Variants in DOCK7 observed in about 807,000 individuals in gnomAD.
DOCK7 encodes the protein dedicator of cytokinesis 7.
Under a neutral mutation model 271.0 loss-of-function variants are expected in DOCK7, and 138 were observed. The observed-to-expected ratio is 0.51, with a 90% CI of 0.44 to 0.59. The LOEUF is 0.59. Ranked by LOEUF, DOCK7 falls within the 20% of genes least tolerant of loss-of-function variation. The pLI is 0.00. For synonymous variants in DOCK7, 823 were observed against 876.1 expected, an observed-to-expected ratio of 0.94 and a Z score of 1.07; for missense variants, 2,066 against 2,592.4, an observed-to-expected ratio of 0.80 and a Z score of 4.41.
intron 20 of DOCK7, among the ~76,000 whole-genome samples, chr1:62,557,673 T>C (rs764592997): frequency 6.7e-6 from 1 of 149,738 alleles, no homozygotes; most frequent in Non-Finnish European, 1.5e-5. Context: ...CAAATATAAA[T>C]AAAGCACATA....
At chr1:62,685,639 T>C (rs1280143024) in intron 1 of DOCK7, among the ~76,000 whole-genome samples, 6 of 151,454 alleles carry the variant, frequency 4.0e-5, no homozygotes, top group Non-Finnish European at 8.8e-5. Context: ...AAAAACCAAA[T>C]AGATATTTCT....
At chr1:62,552,710 C>T (rs759254627) in intron 22 of DOCK7, 22 bp downstream of exon 22, 3 of 1,561,450 alleles carry the variant, frequency 1.9e-6, no homozygotes, top group Non-Finnish European at 2.6e-6. Flanking sequence ...ACCAAATTTA[C>T]AGATGCATGT....
chr1:62,677,237 T>C (rs1660634710), intron 1 of DOCK7, among the ~76,000 whole-genome samples: 2 of 152,160 alleles, frequency 1.3e-5, no homozygotes, highest in African/African-American at 2.4e-5. Flanking sequence ...TCCCAAGCCA[T>C]AGAGAAGGGC....
intron 29 of DOCK7, among the ~76,000 whole-genome samples, chr1:62,531,798 T>C (rs1645182032): frequency 6.6e-6 from 1 of 152,030 alleles, no homozygotes. Context: ...GAGATATGAG[T>C]TTCTTACAGT....
chr1:62,590,035 C>T (rs1198275463), intron 14 of DOCK7, among the ~76,000 whole-genome samples: 1 of 151,836 alleles, frequency 6.6e-6, no homozygotes, highest in Non-Finnish European at 1.5e-5. Flanking sequence ...GACAGAAAAC[C>T]ACCAGAGTAC....
chr1:62,603,351 TGAA>T (rs1387702503), intron 14 of DOCK7, among the ~76,000 whole-genome samples: 1 of 151,800 alleles, frequency 6.6e-6, no homozygotes, highest in Non-Finnish European at 1.5e-5. Flanking sequence ...AGGATTGTGA[TGAA>T]GAACAATCTA....
intron 25 of DOCK7, among the ~76,000 whole-genome samples, chr1:62,542,070 C>CTCTTG (rs1645553356): frequency 6.6e-6 from 1 of 151,952 alleles, no homozygotes; most frequent in African/African-American, 2.4e-5. Context: ...TAGATATGGG[C>CTCTTG]TCTTGCTATG....
chr1:62,555,905 T>C lies in DOCK7; in HGVS notation c.2516A>G (p.His839Arg), dbSNP rs778470902. 19 of 1,613,862 alleles carry C rather than the reference T, an allele frequency of 1.2e-5. No homozygotes were observed. The highest frequency in any genetic ancestry group is 1.6e-5 in the Non-Finnish European group (19 of 1,179,934). ...TGATGCAAGAAGGCTGTTTCTGCCA[T>C]GCTGGTCATGATTTCCTTCCAAGTT... Reference protein sequence around the residue: ...HKNLEGNHDQHGRNSLLASYI... With the variant: ...HKNLEGNHDQRGRNSLLASYI... The change falls in exon 21 of 50, where the codon CAT becomes CGT. Residue 839 changes from histidine (H) to arginine (R), a missense_variant. By Grantham distance (29) the His-to-Arg change is conservative. Around this residue, in one of 2 missense-constraint regions of DOCK7, gnomAD observed 1,414 missense variants for 1,670.4 expected, o/e 0.85. Coordinates refer to ENST00000635253, the MANE Select transcript of DOCK7 (RefSeq NM_001367561.1).
rs1464811045 is a variant in DOCK7 at position 62,604,937 on chromosome 1, A to G, written c.1682+13769T>C. On this transcript the variant is annotated intron_variant, in intron 14 of 49. Transcript: ENST00000635253. ...TTGAGAAATAGATTTTTTTTATCTT[A>G]AAGTCACTGTCTATTTAAGATTAAA... The G allele has an allele frequency of 3.0e-6, 3 of 1,006,512 alleles. No homozygotes were observed. In the African/African-American group the frequency reaches 4.8e-5, roughly 16 times the overall value. 62.3% of individuals were successfully genotyped at this position (1,006,512 alleles called of 1,614,324 possible). A position where few individuals can be genotyped will look rare whatever the true frequency, so the allele number is the denominator to read the frequency against.
intron 14 of DOCK7, chr1:62,598,628 G>C: frequency 1.2e-6 from 1 of 830,300 alleles, no homozygotes; most frequent in Non-Finnish European, 2.1e-6. Flanking sequence ...GATTATGATA[G>C]TGTTACAGGA....
chr1:62,654,015 T>C lies in DOCK7; in HGVS notation c.289A>G (p.Arg97Gly). Residue 97 changes from arginine (R) to glycine (G), a missense_variant, in exon 3 of 50, where the codon AGA (arginine) becomes GGA (glycine). By Grantham distance (125) the Arg-to-Gly change is moderately radical. Coordinates refer to ENST00000635253, the MANE Select transcript of DOCK7 (RefSeq NM_001367561.1). ...TCAGGTACAGCTGAAACAAGAGTTCTGCAGTCCCGAGGACTATAAACAACT... is the reference window on the plus strand; with the variant it reads ...TCAGGTACAGCTGAAACAAGAGTTCCGCAGTCCCGAGGACTATAAACAACT... ...IEVVYSPRDC[R>G]TLVSAVPEES... 6.2e-7 allele frequency: 1 copy of C among 1,613,866 alleles called. No homozygotes were observed. The highest frequency in any genetic ancestry group is 8.5e-7 in the Non-Finnish European group (1 of 1,179,876).
chr1:62,578,514 G>C (rs967638447), intron 17 of DOCK7, among the ~76,000 whole-genome samples: 1 of 152,036 alleles, frequency 6.6e-6, no homozygotes, highest in Non-Finnish European at 1.5e-5. Context: ...GAAGCCAAGA[G>C]TTTGAGACCA....
chr1:62,536,041 C>T (rs755427483), intron 28 of DOCK7, among the ~76,000 whole-genome samples: 4 of 151,802 alleles, frequency 2.6e-5, no homozygotes, highest in African/African-American at 4.8e-5. Flanking sequence ...CAGAGAAATT[C>T]GAAACACCAG....
At chr1:62,635,459 C>T (rs1317272350) in intron 8 of DOCK7, 1 of 151,930 alleles carries the variant, frequency 6.6e-6, no homozygotes, top group East Asian at 1.9e-4. Flanking sequence ...ATCGCTTGAA[C>T]CTGGGAGGTA....
Position 62,539,785 on chromosome 1 carries a change from C to T in DOCK7, c.3153G>A (p.Thr1051=), listed in dbSNP as rs747653225. ...ATCGTGAAACTATATCACTAGCAAT[C>T]GTGCTGACAAGAGCTGCAATGTCAT... ...FMDDIAALVS[T]IASDIVSRFQ... Residue 1051 remains threonine (T), a synonymous_variant, in exon 26 of 50, where the codon ACG becomes ACA. Transcript: ENST00000635253. 9 of 1,613,294 alleles carry T rather than the reference C, an allele frequency of 5.6e-6. No homozygotes were observed. The highest frequency in any genetic ancestry group is 3.3e-5 in the Admixed American group (2 of 59,902).
chr1:62,580,750 C>A (rs1358095644), intron 16 of DOCK7, among the ~76,000 whole-genome samples: 3 of 152,058 alleles, frequency 2.0e-5, no homozygotes, highest in African/African-American at 7.2e-5. Context: ...AATAGCTATG[C>A]TATAAAACAG....
In DOCK7 at chr1:62,648,294, A is replaced by C; in HGVS notation, c.544T>G (p.Ser182Ala). ...DQDDLKRRSM[S>A]IDDTPRGSWA... The stretch of plus-strand genomic sequence containing the variant: ...CTACCCCTTGGGGTATCATCTATTG[A>C]CATTGAACGTCTTTTAAGGTCATCC... Residue 182 changes from serine (S) to alanine (A), a missense_variant, in exon 6 of 50, where the codon TCA becomes GCA. Around this residue, in one of 2 missense-constraint regions of DOCK7, gnomAD observed 1,414 missense variants for 1,670.4 expected, o/e 0.85. Transcript: ENST00000635253. 6.2e-7 allele frequency: 1 copy of C among 1,611,688 alleles called. No individual in the cohort carries two copies. The highest frequency in any genetic ancestry group is 1.1e-5 in the South Asian group (1 of 90,568).
chr1:62,584,433 T>C (rs1647265801), intron 15 of DOCK7: 36 of 995,564 alleles, frequency 3.6e-5, no homozygotes, highest in Admixed American at 5.9e-5. Context: ...AAACACAGTA[T>C]GTCTATGTTT....
At chr1:62,620,322 A>T (rs1168434110) in intron 12 of DOCK7, among the ~76,000 whole-genome samples, 1 of 141,782 alleles carries the variant, frequency 7.1e-6, no homozygotes, top group Non-Finnish European at 1.6e-5. Context: ...CTCAAAAATA[A>T]AAATAAATAA....
Sources: allele counts gnomAD v4.1 joint callset (sites outside exome capture counted in the v4.1 genomes callset), GRCh38; gene constraint gnomAD v4.1.1; regional missense constraint gnomAD v4.1.1; transcripts MANE v1.5; gene names NCBI Gene and HGNC (gene_info 2026-07-23, HGNC 2026-07-21).